Variants in IMMP2L observed in about 807,000 individuals in gnomAD.
IMMP2L encodes the protein inner mitochondrial membrane peptidase subunit 2.
A neutral mutation model predicts 19.3 loss-of-function variants in IMMP2L; 18 were observed. The observed-to-expected ratio is 0.93, with a 90% CI of 0.64 to 1.38. The LOEUF (loss-of-function observed/expected upper bound fraction) is 1.38, where lower values mean the gene tolerates loss of function less well. Ranked by LOEUF, IMMP2L falls within the 40% of genes most tolerant of loss-of-function variation. The pLI, the probability that IMMP2L is intolerant of heterozygous loss-of-function variation, is 0.00. For synonymous variants in IMMP2L, 76 were observed against 73.0 expected (o/e 1.04, Z -0.21); for missense variants, 233 against 218.2 (o/e 1.07, Z -0.43).
intron 3 of IMMP2L, among the ~76,000 whole-genome samples, chr7:110,974,635 CT>C (rs937879892): frequency 6.6e-6 from 1 of 152,094 alleles, no homozygotes; most frequent in Admixed American, 6.6e-5. Context: ...GTTTGCCTTG[CT>C]TTTTCCAGCA....
chr7:111,031,407 T>TGTGTGTGTGTGTGA (rs147571783), intron 3 of IMMP2L, among the ~76,000 whole-genome samples: 5 of 147,094 alleles, frequency 3.4e-5, no homozygotes, highest in African/African-American at 7.6e-5. Context: ...TGTGTGTGTG[T>TGTGTGTGTGTGTGA]GAGAGAAAGA....
At chr7:110,677,633 G>C (rs1676918190) in intron 5 of IMMP2L, among the ~76,000 whole-genome samples, 1 of 152,114 alleles carries the variant, frequency 6.6e-6, no homozygotes, top group Non-Finnish European at 1.5e-5. Flanking sequence ...TGCTTGTTTA[G>C]GTGAATGAGG....
At chr7:111,551,497 TG>T (rs1474707105) in intron 1 of IMMP2L, among the ~76,000 whole-genome samples, 3 of 36,676 alleles carry the variant, frequency 8.2e-5, no homozygotes, top group Admixed American at 5.5e-4. Context: ...CTGTTAGAGG[TG>T]TGTGTGTGTG....
intron 3 of IMMP2L, among the ~76,000 whole-genome samples, chr7:111,234,097 C>A (rs527976246): frequency 1.3e-5 from 2 of 152,100 alleles, no homozygotes; most frequent in Non-Finnish European, 2.9e-5. Context: ...TAGCTACATC[C>A]CACAAATCTT....
chr7:110,859,029 G>A (rs1303347385), intron 5 of IMMP2L, among the ~76,000 whole-genome samples: 1 of 152,032 alleles, frequency 6.6e-6, no homozygotes, highest in African/African-American at 2.4e-5. Flanking sequence ...TTGGTTTGTA[G>A]ATAACCCCAA....
intron 3 of IMMP2L, among the ~76,000 whole-genome samples, chr7:111,049,408 G>A (rs993432679): frequency 6.6e-6 from 1 of 152,026 alleles, no homozygotes; most frequent in African/African-American, 2.4e-5. Flanking sequence ...TGGGATTACA[G>A]GCGTGAGCCA....
intron 3 of IMMP2L, among the ~76,000 whole-genome samples, chr7:111,078,706 T>G (rs1795622190): frequency 6.6e-6 from 1 of 151,990 alleles, no homozygotes; most frequent in African/African-American, 2.4e-5. Context: ...ACAATAAAGC[T>G]GTGGTATTTT....
rs115580405 is a variant in IMMP2L at position 110,796,031 on chromosome 7, T to C, written c.408+90562A>G. Reference sequence around the variant, plus strand: ...GGTTACTCTCATGCTCTTCTTGTGATAGTGAGTGAGTTCTCACGAAATCTG... The same window carrying C: ...GGTTACTCTCATGCTCTTCTTGTGACAGTGAGTGAGTTCTCACGAAATCTG... On this transcript the variant is annotated intron_variant, in intron 5 of 5. Transcript: ENST00000405709. Among the ~76,000 whole-genome samples the C allele has an allele frequency of 6.4e-3, 971 of 152,172 alleles. 7 individuals are homozygous for C. Among genetic ancestry groups the C allele is most frequent in the African/African-American group, 0.022 (908 of 41,544 alleles).
At chr7:111,339,851 G>A (rs1339257365) in intron 3 of IMMP2L, among the ~76,000 whole-genome samples, 1 of 151,954 alleles carries the variant, frequency 6.6e-6, no homozygotes, top group African/African-American at 2.4e-5. Context: ...GAAAGGAACT[G>A]AGGCTAAAAT....
chr7:111,353,949 T>A (rs1035563262), intron 3 of IMMP2L, among the ~76,000 whole-genome samples: 2 of 152,058 alleles, frequency 1.3e-5, no homozygotes, highest in Non-Finnish European at 2.9e-5. Flanking sequence ...GCTGCCTACA[T>A]AGGGTCCTCT....
rs1584381694 is a variant in IMMP2L at position 111,270,985 on chromosome 7, T to C, written c.239+216253A>G. 4.6e-5 allele frequency among the ~76,000 whole-genome samples: 7 copies of C among 152,302 alleles called. No individual in the cohort carries two copies. In the South Asian group the frequency reaches 1.5e-3, roughly 32 times the overall value. ...ACTCCATTAACATACTGATATGGTT[T>C]GGCTGTGTCCCCACCCAAATCTCAT... On this transcript the variant is annotated intron_variant, in intron 3 of 5. Transcript: ENST00000405709.
chr7:111,217,126 T>TCTCTCTCTCACACACA (rs1472700586), intron 3 of IMMP2L, among the ~76,000 whole-genome samples: 4 of 123,998 alleles, frequency 3.2e-5, no homozygotes, highest in African/African-American at 9.5e-5. Context: ...TCTCTCTCTC[T>TCTCTCTCTCACACACA]CACACACACA....
rs1400101515 is a variant in IMMP2L, at chr7:110,665,507, A to G, written c.409-1786T>C. ...TCCAATTGTCCCACTGATGTCTTCT[A>G]TAGCCATTATTTTAAAAATTCAAGG... On this transcript the variant is annotated intron_variant, in intron 5 of 5. Transcript: ENST00000405709. 2.6e-5 allele frequency among the ~76,000 whole-genome samples: 4 copies of G among 152,356 alleles called. No homozygotes were observed. The East Asian group carries it at 7.7e-4, about 29-fold the overall frequency.
chr7:111,017,836 G>A (rs1295032699), intron 3 of IMMP2L, among the ~76,000 whole-genome samples: 3 of 152,108 alleles, frequency 2.0e-5, no homozygotes, highest in East Asian at 1.9e-4. Flanking sequence ...AAACTACAGA[G>A]ACAATGTCAG....
intron 5 of IMMP2L, among the ~76,000 whole-genome samples, chr7:110,858,096 C>T (rs1429869462): frequency 6.6e-6 from 1 of 151,942 alleles, no homozygotes; most frequent in Non-Finnish European, 1.5e-5. Flanking sequence ...TTCTTTCTTC[C>T]TTTCAATTAC....
chr7:111,422,891 C>A (rs1442197120), intron 3 of IMMP2L, among the ~76,000 whole-genome samples: 1 of 151,814 alleles, frequency 6.6e-6, no homozygotes, highest in East Asian at 1.9e-4. Context: ...AGATATGTTT[C>A]ATCAATACCT....
intron 5 of IMMP2L, among the ~76,000 whole-genome samples, chr7:110,795,514 G>C (rs561644888): frequency 2.0e-5 from 3 of 152,084 alleles, no homozygotes; most frequent in African/African-American, 7.2e-5. Context: ...TGTGCTGACA[G>C]TGCTTTTTAC....
chr7:110,703,224 A>G (rs1458523723), intron 5 of IMMP2L, among the ~76,000 whole-genome samples: 1 of 152,124 alleles, frequency 6.6e-6, no homozygotes, highest in Non-Finnish European at 1.5e-5. Flanking sequence ...CATTATGTTA[A>G]TATAAGTTAC....
intron 3 of IMMP2L, among the ~76,000 whole-genome samples, chr7:111,287,548 CAA>C (rs58212392): frequency 1.3e-4 from 19 of 144,940 alleles, no homozygotes; most frequent in Middle Eastern, 3.5e-3. Context: ...GAATCCACAC[CAA>C]AAAAAAAAAA....
Sources: allele counts gnomAD v4.1 joint callset (sites outside exome capture counted in the v4.1 genomes callset), GRCh38; gene constraint gnomAD v4.1.1; transcripts MANE v1.5; gene names NCBI Gene and HGNC (gene_info 2026-07-23, HGNC 2026-07-21).